ALDH4A1: variants seen among roughly 807,000 people sequenced by gnomAD.
ALDH4A1 encodes the protein delta-1-pyrroline-5-carboxylate dehydrogenase, mitochondrial.
Under a neutral mutation model 70.5 loss-of-function variants are expected in ALDH4A1, and 46 were observed. The observed-to-expected ratio is 0.65, with a 90% CI of 0.51 to 0.83. The LOEUF (loss-of-function observed/expected upper bound fraction) is 0.83, where lower values mean the gene tolerates loss of function less well. ALDH4A1 is among the 40% of genes least tolerant of loss of function. The pLI is 0.00. For missense variants in ALDH4A1, 749 were observed against 766.5 expected (o/e 0.98, Z 0.27); for synonymous variants, 323 against 324.3 (o/e 1.00, Z 0.04).
chr1:18,897,830 G>A (rs932362951), intron 1 of ALDH4A1, among the ~76,000 whole-genome samples: 1 of 152,196 alleles, frequency 6.6e-6, no homozygotes, highest in Admixed American at 6.5e-5. Flanking sequence ...ATTTCCACCT[G>A]AGGAAAGCCG....
At position 18,879,977 on chromosome 1, in the gene ALDH4A1, C is replaced by T. The variant is rs147761740; in HGVS notation, c.867-604G>A. ...AAAATGCTAATCACCCGGGAGCCAG[C>T]GACACAGTAGCTAATACTAATTTAT... is the stretch of plus-strand genomic sequence containing the variant. On this transcript the variant is annotated intron_variant, in intron 8 of 14. Transcript: ENST00000375341. Among the ~76,000 whole-genome samples the T allele has an allele frequency of 2.6e-5, 4 of 152,322 alleles. No individual in the cohort carries two copies. The East Asian group carries it at 7.7e-4, about 30-fold the overall frequency.
intron 4 of ALDH4A1, 71 bp from the exon 5 acceptor site, chr1:18,885,699 G>A (rs1935174597): frequency 1.9e-6 from 3 of 1,601,572 alleles, no homozygotes; most frequent in South Asian, 2.2e-5. Flanking sequence ...AGCGAGGGAG[G>A]AGAGACCTGG....
chr1:18,886,619 G>T, intron 3 of ALDH4A1, 108 bp from the exon 4 acceptor site: 1 of 1,180,520 alleles, frequency 8.5e-7, no homozygotes, highest in Non-Finnish European at 1.3e-6. Context: ...GGACACGCCT[G>T]CTGTCCCCCC....
intron 7 of ALDH4A1, among the ~76,000 whole-genome samples, chr1:18,882,298 CGTGT>C (rs1935009392): frequency 1.3e-5 from 2 of 152,004 alleles, no homozygotes; most frequent in African/African-American, 4.8e-5. Flanking sequence ...GGCCATGCAC[CGTGT>C]TTGTCTGTGC....
At chr1:18,902,436 C>T in intron 1 of ALDH4A1, 26 bp downstream of exon 1, 5 of 1,319,126 alleles carry the variant, frequency 3.8e-6, no homozygotes, top group Middle Eastern at 2.6e-4. Context: ...CGCGCTCGGG[C>T]CGCCCCGGGC....
intron 13 of ALDH4A1, among the ~76,000 whole-genome samples, chr1:18,875,085 G>A (rs972008431): frequency 2.6e-5 from 4 of 152,206 alleles, no homozygotes; most frequent in African/African-American, 4.8e-5. Flanking sequence ...CACTCAGTGG[G>A]GCAACACCAG....
rs533265515 is a variant in ALDH4A1, at chr1:18,898,782, G to C, written c.62+3680C>G. Among the ~76,000 whole-genome samples the C allele has an allele frequency of 1.3e-5, 2 of 152,328 alleles. No homozygotes were observed. Among genetic ancestry groups the C allele is most frequent in the South Asian group, 4.1e-4 (2 of 4,828 alleles). Reference sequence around the variant, plus strand: ...ACCATCTCAACAGCAACCGTTCAACGCCTACTGTGTGCCGGGCCAGATGCA... The same window carrying C: ...ACCATCTCAACAGCAACCGTTCAACCCCTACTGTGTGCCGGGCCAGATGCA... On this transcript the variant is annotated intron_variant, in intron 1 of 14. Coordinates refer to ENST00000375341, the MANE Select transcript of ALDH4A1 (RefSeq NM_003748.4). The surrounding 1 kb of genome is among the most constrained non-coding windows in gnomAD (Gnocchi z 4.3).
rs929821483 is a variant in ALDH4A1, at chr1:18,886,631, C to T, written c.250-120G>A. 4.6e-6 allele frequency: 5 copies of T among 1,082,668 alleles called. No homozygotes were observed. In the East Asian group the frequency reaches 1.2e-4, roughly 27 times the overall value. The allele number at this position is 1,082,668 out of a possible 1,614,324, so 67.1% of individuals were successfully genotyped here. A position where few individuals can be genotyped will look rare whatever the true frequency, so the allele number is the denominator to read the frequency against. On this transcript the variant is annotated intron_variant, in intron 3 of 14. Transcript: ENST00000375341. Reference sequence around the variant, plus strand: ...CCTGGACACGCCTGCTGTCCCCCCTCCCCCGCTCCCATGAAACCCTCCCCA... The same window carrying T: ...CCTGGACACGCCTGCTGTCCCCCCTTCCCCGCTCCCATGAAACCCTCCCCA...
chr1:18,897,396 A>T (rs1466132267), intron 1 of ALDH4A1, among the ~76,000 whole-genome samples: 1 of 152,172 alleles, frequency 6.6e-6, no homozygotes, highest in African/African-American at 2.4e-5. Flanking sequence ...TACAAAAATT[A>T]GCTGGACGTG....
intron 1 of ALDH4A1, among the ~76,000 whole-genome samples, chr1:18,900,670 T>C (rs1013383086): frequency 1.1e-4 from 16 of 152,208 alleles, no homozygotes; most frequent in African/African-American, 3.9e-4. Flanking sequence ...AAATCCTGTC[T>C]AGGGCATGCG....
intron 3 of ALDH4A1, among the ~76,000 whole-genome samples, chr1:18,888,244 T>C (rs1005947420): frequency 6.6e-6 from 1 of 152,166 alleles, no homozygotes; most frequent in African/African-American, 2.4e-5. Context: ...ATGTTAAAGC[T>C]TGGCACAGTC....
intron 11 of ALDH4A1, 71 bp from the exon 12 acceptor site, chr1:18,876,538 C>T (rs1179714008): frequency 2.0e-6 from 3 of 1,495,372 alleles, no homozygotes; most frequent in Admixed American, 2.1e-5. Context: ...CCACAACACA[C>T]TCACCCCGAA....
At position 18,885,475 on chromosome 1, in the gene ALDH4A1, GT is replaced by G; in HGVS notation, c.450del (p.Gln151ArgfsTer5). 9.9e-7 allele frequency: 1 copy of G among 1,009,682 alleles called. No homozygotes were observed. 62.5% of individuals were successfully genotyped at this position (1,009,682 alleles called of 1,614,324 possible). A position where few individuals can be genotyped will look rare whatever the true frequency, so the allele number is the denominator to read the frequency against. ...RAEILAKTMV[G>X]QGKTVIQAEI... ...ACCCGGGCCCACCAGCACCTCACCTGTCCCACCATGGTCTTGGCGAGGATCT... is the reference window on the plus strand; with the variant it reads ...ACCCGGGCCCACCAGCACCTCACCTGCCCACCATGGTCTTGGCGAGGATCT... On this transcript the variant is annotated frameshift_variant, in exon 5 of 15. Transcript: ENST00000375341. LOFTEE classifies it high-confidence loss of function.
Position 18,877,532 on chromosome 1 carries a change from A to T in ALDH4A1, c.1021T>A (p.Phe341Ile). Residue 341 changes from phenylalanine to isoleucine, a missense_variant, in exon 10 of 15, where the codon TTC becomes ATC. Transcript: ENST00000375341. ...SVVSGTLRSA[F>I]EYGGQKCSAC... ...GAACACTTCTGGCCACCGTACTCGA[A>T]GGCTGAGCGGAGGGTCCCGCTCACC... The T allele has an allele frequency of 9.3e-6, 15 of 1,611,946 alleles. No individual in the cohort carries two copies. Among genetic ancestry groups the T allele is most frequent in the Non-Finnish European group, 1.3e-5 (15 of 1,179,430 alleles).
intron 1 of ALDH4A1, among the ~76,000 whole-genome samples, chr1:18,897,809 G>C (rs1935674344): frequency 6.6e-6 from 1 of 152,166 alleles, no homozygotes; most frequent in Admixed American, 6.5e-5. Context: ...TCACCATACA[G>C]CTAGAACCTC....
chr1:18,901,731 T>A (rs1277007236), intron 1 of ALDH4A1, among the ~76,000 whole-genome samples: 3 of 152,108 alleles, frequency 2.0e-5, no homozygotes, highest in South Asian at 2.1e-4. Flanking sequence ...ATGATGATGA[T>A]CGTGGCAATA....
Position 18,883,187 on chromosome 1 carries a change from C to T in ALDH4A1, c.615G>A (p.Ala205=), listed in dbSNP as rs766524857. Residue 205 remains alanine, a synonymous_variant, in exon 7 of 15, where the codon GCG becomes GCA. Coordinates refer to ENST00000375341, the MANE Select transcript of ALDH4A1 (RefSeq NM_003748.4). ...TVYRGLEGFV[A]AISPFNFTAI... The stretch of plus-strand genomic sequence containing the variant: ...CAGTGAAGTTAAAGGGCGAGATGGC[C>T]GCCACGAAGCCCTGGGGAAGGAGGC... The T allele has an allele frequency of 9.9e-6, 16 of 1,613,060 alleles. No individual in the cohort carries two copies. Among genetic ancestry groups the T allele is most frequent in the Admixed American group, 8.3e-5 (5 of 60,006 alleles).
chr1:18,889,937 G>T (rs1007395082), intron 2 of ALDH4A1, 75 bp downstream of exon 2: 3 of 1,268,882 alleles, frequency 2.4e-6, no homozygotes, highest in Middle Eastern at 2.0e-4. Flanking sequence ...GGCACGGGGC[G>T]CTATCTCAGG....
At chr1:18,876,767 T>G (rs920092063) in intron 11 of ALDH4A1, among the ~76,000 whole-genome samples, 4 of 151,730 alleles carry the variant, frequency 2.6e-5, no homozygotes, top group Admixed American at 6.6e-5. Flanking sequence ...TATAGGCATA[T>G]GCATGGTCAC....
Sources: allele counts gnomAD v4.1 joint callset (sites outside exome capture counted in the v4.1 genomes callset), GRCh38; gene constraint gnomAD v4.1.1; non-coding constraint Gnocchi (gnomAD v3.1); transcripts MANE v1.5; gene names NCBI Gene and HGNC (gene_info 2026-07-23, HGNC 2026-07-21).